Variants in SRSF11 observed in about 807,000 individuals in gnomAD.
SRSF11 encodes the protein serine and arginine rich splicing factor 11.
A neutral mutation model predicts 56.0 loss-of-function variants in SRSF11; 9 were observed. That is an observed-to-expected ratio of 0.16 (90% CI 0.10 to 0.28). The LOEUF (loss-of-function observed/expected upper bound fraction) is 0.28. Among genes scored for constraint, SRSF11 ranks in the 10% least tolerant of loss-of-function variants. The pLI is 1.00. For missense variants in SRSF11, 421 were observed against 600.7 expected, an observed-to-expected ratio of 0.70 and a Z score of 3.13; for synonymous variants, 222 against 215.3, an observed-to-expected ratio of 1.03 and a Z score of -0.27.
At chr1:70,248,295 C>G (rs1677202665) in intron 9 of SRSF11, 1 of 152,004 alleles carries the variant, frequency 6.6e-6, no homozygotes, top group African/African-American at 2.4e-5. Context: ...TATATCTATA[C>G]AATTGAATAT....
Position 70,249,988 on chromosome 1 carries a change from A to ATCTCCTAAAAAGCCTCGG in SRSF11, c.1070_1087dup (p.Lys357_Lys362dup). 1 of 1,614,110 alleles carries ATCTCCTAAAAAGCCTCGG rather than the reference A, an allele frequency of 6.2e-7. No homozygotes were observed. The highest frequency in any genetic ancestry group is 8.5e-7 in the Non-Finnish European group (1 of 1,180,012). On this transcript the variant is annotated inframe_insertion, in exon 10 of 12. Transcript: ENST00000370949. ...GACGAAGAAGCAGGAGTGGCACAAG[A>ATCTCCTAAAAAGCCTCGG]TCTCCTAAAAAGCCTCGGTCTCCTA...
Position 70,239,417 on chromosome 1 carries a change from G to A in SRSF11, c.719-22G>A, listed in dbSNP as rs766315801. On this transcript the variant is annotated intron_variant, in intron 6 of 11. Transcript: ENST00000370949. ...CCTATTTAATAACTTCTAAATGCAG[G>A]TTCCTTTTCTTTTAAATATAGATAA... 3.2e-6 allele frequency: 5 copies of A among 1,551,840 alleles called. No individual in the cohort carries two copies. The African/African-American group carries it at 5.6e-5, about 17-fold the overall frequency.
Position 70,247,043 on chromosome 1 carries a change from T to G in SRSF11, c.1022+136T>G, listed in dbSNP as rs542189511. 102 of 1,116,738 alleles carry G rather than the reference T, an allele frequency of 9.1e-5. No individual in the cohort carries two copies. In the African/African-American group the frequency reaches 1.6e-3, roughly 17 times the overall value. 69.2% of individuals were successfully genotyped at this position (1,116,738 alleles called of 1,614,324 possible). On this transcript the variant is annotated intron_variant, in intron 9 of 11. Transcript: ENST00000370949. Reference sequence around the variant, plus strand: ...AAAAAAGTTACATTTTGCTGTTATTTAAAGTTTTTAAAAGGCAATTTGTGA... The same window carrying G: ...AAAAAAGTTACATTTTGCTGTTATTGAAAGTTTTTAAAAGGCAATTTGTGA...
rs372569935 is a variant in SRSF11, at chr1:70,234,773, A to G, written c.525A>G (p.Ala175=). The change falls in exon 4 of 12, where the codon GCA becomes GCG. Residue 175 remains alanine, a synonymous_variant. Coordinates refer to ENST00000370949, the MANE Select transcript of SRSF11 (RefSeq NM_001350605.2). ...TTGCTGCACTTGGGCTTCCTGGAGCAAACTTGAACTCTCAGGTATACCTTA... is the reference window on the plus strand; with the variant it reads ...TTGCTGCACTTGGGCTTCCTGGAGCGAACTTGAACTCTCAGGTATACCTTA... ...PALAALGLPG[A]NLNSQSLAAD... 21 of 1,609,696 alleles carry G rather than the reference A, an allele frequency of 1.3e-5. No homozygotes were observed. The African/African-American group carries it at 2.5e-4, about 19-fold the overall frequency.
At chr1:70,207,370 G>A (rs1453813299) in intron 1 of SRSF11, among the ~76,000 whole-genome samples, 1 of 152,086 alleles carries the variant, frequency 6.6e-6, no homozygotes, top group Non-Finnish European at 1.5e-5. Flanking sequence ...TGCAGATAAG[G>A]AAATTGAGGC....
Position 70,216,302 on chromosome 1 carries a change from T to A in SRSF11, c.-25-5310T>A, listed in dbSNP as rs144218123. Reference sequence around the variant, plus strand: ...TTTTTTTTTCAATGTAGTGGTTCCCTACGTGTCCTACCTGTGAATCTTCAG... The same window carrying A: ...TTTTTTTTTCAATGTAGTGGTTCCCAACGTGTCCTACCTGTGAATCTTCAG... On this transcript the variant is annotated intron_variant, in intron 1 of 12. Coordinates refer to the SRSF11 transcript ENST00000370950. Among the ~76,000 whole-genome samples the A allele has an allele frequency of 7.1e-3, 1,085 of 152,268 alleles. 9 individuals carry two copies. Among genetic ancestry groups the A allele is most frequent in the South Asian group, 0.031 (148 of 4,828 alleles).
intron 7 of SRSF11, among the ~76,000 whole-genome samples, chr1:70,244,441 G>A (rs1432910144): frequency 6.6e-6 from 1 of 152,108 alleles, no homozygotes; most frequent in African/African-American, 2.4e-5. Context: ...GGCATAGAAG[G>A]ACCTATCTGA....
At position 70,252,884 on chromosome 1, in the gene SRSF11, T is replaced by C. The variant is rs1034498133; in HGVS notation, c.*2079T>C. 4 of 152,196 alleles carry C rather than the reference T, an allele frequency of 2.6e-5. No homozygotes were observed. Among genetic ancestry groups the C allele is most frequent in the African/African-American group, 7.2e-5 (3 of 41,454 alleles). 9.4% of individuals were successfully genotyped at this position (152,196 alleles called of 1,614,324 possible). A position where few individuals can be genotyped will look rare whatever the true frequency, so the allele number is the denominator to read the frequency against. The stretch of plus-strand genomic sequence containing the variant: ...TGCTACAGTGAAGATTATCCATTCT[T>C]AGGATATTTATTTTCAGTGAACATT... On this transcript the variant is annotated 3_prime_UTR_variant, in exon 12 of 12. Coordinates refer to ENST00000370949, the MANE Select transcript of SRSF11 (RefSeq NM_001350605.2).
rs1678098040 is a variant in SRSF11, at chr1:70,252,523, A to G, written c.*1718A>G. The stretch of plus-strand genomic sequence containing the variant: ...TTTTTAACCTAAAAACTGAAATGCC[A>G]TATAGAAAAACAGCATTGTTTTTAC... On this transcript the variant is annotated 3_prime_UTR_variant, in exon 12 of 12. Coordinates refer to ENST00000370949, the MANE Select transcript of SRSF11 (RefSeq NM_001350605.2). 1 of 152,142 alleles carries G rather than the reference A, an allele frequency of 6.6e-6. No individual in the cohort carries two copies. The highest frequency in any genetic ancestry group is 2.1e-4 in the South Asian group (1 of 4,834). The allele number at this position is 152,142 out of a possible 1,614,324, so 9.4% of individuals were successfully genotyped here.
At chr1:70,206,930 G>A (rs1157610088) in intron 1 of SRSF11, among the ~76,000 whole-genome samples, 6 of 137,364 alleles carry the variant, frequency 4.4e-5, no homozygotes, top group East Asian at 2.2e-4. Flanking sequence ...CTGGTCTGTC[G>A]CCTAGGCTGG....
chr1:70,234,757 T>G lies in SRSF11; in HGVS notation c.509T>G (p.Leu170Arg). 6.2e-7 allele frequency: 1 copy of G among 1,610,648 alleles called. No homozygotes were observed. The highest frequency in any genetic ancestry group is 8.5e-7 in the Non-Finnish European group (1 of 1,178,160). ...ACTCTTGATCCTGCCCTTGCTGCAC[T>G]TGGGCTTCCTGGAGCAAACTTGAAC... ...APTLDPALAALGLPGANLNSQ... is the reference protein window; with the variant it reads ...APTLDPALAARGLPGANLNSQ... The change falls in exon 4 of 12, where the codon CTT becomes CGT. Residue 170 changes from leucine (L) to arginine (R), a missense_variant. Around this residue, in one of 2 missense-constraint regions of SRSF11, gnomAD observed 168 missense variants for 294.9 expected, o/e 0.57. Transcript: ENST00000370949.
intron 7 of SRSF11, among the ~76,000 whole-genome samples, chr1:70,242,297 G>A (rs1330748471): frequency 6.6e-6 from 1 of 151,668 alleles, no homozygotes; most frequent in Non-Finnish European, 1.5e-5. Context: ...CCTGAATCCA[G>A]ATACTTGTAA....
upstream of SRSF11, chr1:70,218,583 C>T (rs1670229343): frequency 1.3e-5 from 2 of 151,858 alleles, no homozygotes; most frequent in South Asian, 4.2e-4. Context: ...TTATGTGTAC[C>T]CATCACAGAG....
chr1:70,206,889 C>G (rs201317395), intron 1 of SRSF11, among the ~76,000 whole-genome samples: 3 of 118,992 alleles, frequency 2.5e-5, no homozygotes, highest in Admixed American at 8.6e-5. Flanking sequence ...GGATTTTTGT[C>G]TTTTTTTTTT....
rs1023436750 is a variant in SRSF11, at chr1:70,251,761, G to A, written c.*956G>A. 1 of 152,650 alleles carries A rather than the reference G, an allele frequency of 6.6e-6. No individual in the cohort carries two copies. The highest frequency in any genetic ancestry group is 1.9e-4 in the East Asian group (1 of 5,192). The allele number at this position is 152,650 out of a possible 1,614,324, so 9.5% of individuals were successfully genotyped here. On this transcript the variant is annotated 3_prime_UTR_variant, in exon 12 of 12. Coordinates refer to ENST00000370949, the MANE Select transcript of SRSF11 (RefSeq NM_001350605.2). ...AAATAAGACAAATCTACTTGATAAT[G>A]TACCTTTATTTGATCTCAAGTTGTA...
At position 70,229,075 on chromosome 1, in the gene SRSF11, C is replaced by T. The variant is rs372517231; in HGVS notation, c.337+520C>T. The T allele has an allele frequency of 3.6e-6, 4 of 1,104,700 alleles. No individual in the cohort carries two copies. In the South Asian group the frequency reaches 8.6e-5, roughly 24 times the overall value. The allele number at this position is 1,104,700 out of a possible 1,614,324, so 68.4% of individuals were successfully genotyped here. A position where few individuals can be genotyped will look rare whatever the true frequency, so the allele number is the denominator to read the frequency against. On this transcript the variant is annotated intron_variant, in intron 2 of 11. Coordinates refer to ENST00000370949, the MANE Select transcript of SRSF11 (RefSeq NM_001350605.2). ...GGTTTTCGTGAAAGTTCAAGATTTCCTGTAGCTTAGGTGCCAAATGGGCAC... is the reference window on the plus strand; with the variant it reads ...GGTTTTCGTGAAAGTTCAAGATTTCTTGTAGCTTAGGTGCCAAATGGGCAC...
At chr1:70,230,467 G>A (rs528116991) in intron 2 of SRSF11, 964 of 1,220,866 alleles carry the variant, frequency 7.9e-4, no homozygotes, top group Non-Finnish European at 9.7e-4. Context: ...ACTCTTAATA[G>A]TAATGGATTT....
intron 2 of SRSF11, chr1:70,230,566 G>T (rs765848671): frequency 7.8e-7 from 1 of 1,285,350 alleles, no homozygotes; most frequent in Non-Finnish European, 1.0e-6. Context: ...GTATTTCATG[G>T]TTCTATCAAA....
intron 7 of SRSF11, among the ~76,000 whole-genome samples, chr1:70,240,396 TGTGTTGAAGAGTCA>T (rs1177154278): frequency 6.6e-6 from 1 of 152,198 alleles, no homozygotes; most frequent in East Asian, 1.9e-4. Context: ...TACCTTGATT[TGTGTTGAAGAGTCA>T]GTATTTTTAC....
Sources: allele counts gnomAD v4.1 joint callset (sites outside exome capture counted in the v4.1 genomes callset), GRCh38; gene constraint gnomAD v4.1.1; regional missense constraint gnomAD v4.1.1; transcripts MANE v1.5; gene names NCBI Gene and HGNC (gene_info 2026-07-23, HGNC 2026-07-21).